The following ADIG variants were observed in gnomAD, a reference collection of about 807,000 sequenced individuals.
ADIG encodes adipogenesis associated.
In ADIG, 12 loss-of-function variants were observed where a neutral mutation model predicts 10.7. That is an observed-to-expected ratio of 1.12 (90% CI 0.72 to 1.82). The LOEUF (loss-of-function observed/expected upper bound fraction) is 1.82, where lower values mean the gene tolerates loss of function less well. ADIG is among the 40% of genes most tolerant of loss of function. ADIG has a pLI of 0.00. For missense variants in ADIG, 72 were observed against 92.5 expected (o/e 0.78, Z 0.91); for synonymous variants, 32 against 35.6 (o/e 0.90, Z 0.36).
chr20:38,582,307 G>T (rs892413911), intron 1 of ADIG, among the ~76,000 whole-genome samples: 4 of 152,164 alleles, frequency 2.6e-5, no homozygotes, highest in African/African-American at 9.7e-5. Flanking sequence ...TGAGGTGGGA[G>T]AATTGCTTGA....
intron 1 of ADIG, among the ~76,000 whole-genome samples, chr20:38,584,846 C>T (rs1349430656): frequency 2.0e-5 from 3 of 151,904 alleles, no homozygotes; most frequent in African/African-American, 7.3e-5. Context: ...GGCGCGATCT[C>T]GGCTCACTGC....
rs746283465 is a variant in ADIG, at chr20:38,586,078, C to A, written c.174C>A (p.Ser58Arg). ...SSVCLDWEPW[S>R]KGPAEFCWKG... ...TGTGCTTGGATTGGGAGCCCTGGAG[C>A]AAAGGCCCAGCTGAGTTTTGCTGGA... The change falls in exon 2 of 3, where the codon AGC becomes AGA. Residue 58 changes from serine (S) to arginine (R), a missense_variant. By Grantham distance (110) the Ser-to-Arg change is moderately radical. Coordinates refer to ENST00000537425, the MANE Select transcript of ADIG (RefSeq NM_001393816.1). 3.3e-5 allele frequency: 53 copies of A among 1,611,004 alleles called. No homozygotes were observed. The highest frequency in any genetic ancestry group is 4.3e-5 in the Non-Finnish European group (51 of 1,178,782).
intron 1 of ADIG, among the ~76,000 whole-genome samples, chr20:38,585,118 G>C (rs2145579429): frequency 6.6e-6 from 1 of 152,336 alleles, no homozygotes; most frequent in Admixed American, 6.5e-5. Context: ...ACTGTTGAAG[G>C]CCTGTGCTAA....
rs553447550 is a variant in ADIG at position 38,586,153 on chromosome 20, C to G, written c.*6C>G. 10 of 1,581,456 alleles carry G rather than the reference C, an allele frequency of 6.3e-6. No homozygotes were observed. In the African/African-American group the frequency reaches 1.2e-4, roughly 19 times the overall value. On this transcript the variant is annotated 3_prime_UTR_variant, in exon 2 of 3. Coordinates refer to ENST00000537425, the MANE Select transcript of ADIG (RefSeq NM_001393816.1). The stretch of plus-strand genomic sequence containing the variant: ...AGGAGAGGCCCTGCTGGTGAGCCTG[C>G]TGTGCCAGGTGAGGCCCTTCCAGGG...
rs186341754 is a variant in ADIG, at chr20:38,588,118, C to T, written c.*32C>T. 2 of 1,303,470 alleles carry T rather than the reference C, an allele frequency of 1.5e-6. No homozygotes were observed. Among genetic ancestry groups the T allele is most frequent in the African/African-American group, 3.0e-5 (2 of 65,926 alleles). 80.7% of individuals were successfully genotyped at this position (1,303,470 alleles called of 1,614,324 possible). A position where few individuals can be genotyped will look rare whatever the true frequency, so the allele number is the denominator to read the frequency against. ...GTTTCTAGTTTGGTTTTCCTGGAGT[C>T]AGCAGGGCAGTGGCAATGGCAGAAG... On this transcript the variant is annotated 3_prime_UTR_variant, in exon 3 of 3. Coordinates refer to ENST00000537425, the MANE Select transcript of ADIG (RefSeq NM_001393816.1).
Position 38,586,037 on chromosome 20 carries a change from GA to G in ADIG, c.137del (p.Asn46MetfsTer87). On this transcript the variant is annotated frameshift_variant, in exon 2 of 3. Coordinates refer to ENST00000537425, the MANE Select transcript of ADIG (RefSeq NM_001393816.1). LOFTEE classifies it high-confidence loss of function. ...LRFLLSQDSEENDSSVCLDWE... is the reference protein window; with the variant it reads ...LRFLLSQDSEXNDSSVCLDWE... ...GCCTCGTATCTCCACAGATTCAGAG[GA>G]AAATGACTCCAGTGTGTGCTTGGAT... The G allele has an allele frequency of 1.2e-6, 2 of 1,607,268 alleles. No homozygotes were observed. The highest frequency in any genetic ancestry group is 8.5e-7 in the Non-Finnish European group (1 of 1,177,054).
In ADIG at chr20:38,588,402, G is replaced by A; in HGVS notation, c.*316G>A. 1 of 1,243,664 alleles carries A rather than the reference G, an allele frequency of 8.0e-7. No homozygotes were observed. The highest frequency in any genetic ancestry group is 1.6e-5 in the African/African-American group (1 of 64,032). 77.0% of individuals were successfully genotyped at this position (1,243,664 alleles called of 1,614,324 possible). ...TCTTAAAGCAGGGCTGGGCCGGAGGGTGTGGGTCCATATTAAAGAAGCAAG... is the reference window on the plus strand; with the variant it reads ...TCTTAAAGCAGGGCTGGGCCGGAGGATGTGGGTCCATATTAAAGAAGCAAG... On this transcript the variant is annotated 3_prime_UTR_variant, in exon 3 of 3. Transcript: ENST00000537425.
chr20:38,581,748 G>C (rs1459448137), intron 1 of ADIG, among the ~76,000 whole-genome samples: 1 of 152,348 alleles, frequency 6.6e-6, no homozygotes, highest in African/African-American at 2.4e-5. Flanking sequence ...GGGGTGCAAG[G>C]CTCTGTGAGC....
chr20:38,588,270 G>C lies in ADIG; in HGVS notation c.*184G>C, dbSNP rs1351594165. ...CTCCAGAGGTCCCAGCCCTTCTCCA[G>C]CATCACAGATGACCTCCAGCCCTGC... On this transcript the variant is annotated 3_prime_UTR_variant, in exon 3 of 3. Transcript: ENST00000537425. 4.6e-6 allele frequency: 6 copies of C among 1,304,290 alleles called. No homozygotes were observed. The allele number at this position is 1,304,290 out of a possible 1,614,324, so 80.8% of individuals were successfully genotyped here.
chr20:38,583,110 A>G (rs1027011485), intron 1 of ADIG, among the ~76,000 whole-genome samples: 4 of 152,158 alleles, frequency 2.6e-5, no homozygotes, highest in African/African-American at 9.7e-5. Context: ...GAGCCACCGC[A>G]CCCAGCCTCA....
At chr20:38,586,620 C>T (rs2088639663) in intron 2 of ADIG, among the ~76,000 whole-genome samples, 1 of 152,160 alleles carries the variant, frequency 6.6e-6, no homozygotes, top group South Asian at 2.1e-4. Flanking sequence ...GTAGTACTTA[C>T]CGCCTTCTAA....
chr20:38,582,275 T>C (rs939187952), intron 1 of ADIG, among the ~76,000 whole-genome samples: 12 of 152,158 alleles, frequency 7.9e-5, no homozygotes, highest in African/African-American at 2.7e-4. Context: ...CATGCATCTG[T>C]GGTCCCAGCT....
At chr20:38,581,584 GT>G (rs552286388) in intron 1 of ADIG, among the ~76,000 whole-genome samples, 283 of 147,074 alleles carry the variant, frequency 1.9e-3, no homozygotes, top group Admixed American at 2.3e-3. Flanking sequence ...GAGTCCTAGA[GT>G]TTGAACCTAG....
rs769081795 is a variant in ADIG at position 38,586,092 on chromosome 20, A to T, written c.188A>T (p.Glu63Val). 1 of 1,609,630 alleles carries T rather than the reference A, an allele frequency of 6.2e-7. No individual in the cohort carries two copies. The highest frequency in any genetic ancestry group is 8.5e-7 in the Non-Finnish European group (1 of 1,178,238). Residue 63 changes from glutamate to valine, a missense_variant, in exon 2 of 3, where the codon GAG becomes GTG. Glu to Val is a moderately radical substitution (Grantham distance 121, BLOSUM62 -2). Transcript: ENST00000537425. The stretch of plus-strand genomic sequence containing the variant: ...GAGCCCTGGAGCAAAGGCCCAGCTG[A>T]GTTTTGCTGGAAGGGGACACTCCAC... Reference protein sequence around the residue: ...DWEPWSKGPAEFCWKGTLHGQ... With the variant: ...DWEPWSKGPAVFCWKGTLHGQ...
chr20:38,585,895 C>T, intron 1 of ADIG, 134 bp from the exon 2 acceptor site: 1 of 849,098 alleles, frequency 1.2e-6, no homozygotes, highest in Non-Finnish European at 1.8e-6. Context: ...AAGGCTGGCT[C>T]ATAGGATTCT....
At chr20:38,581,476 C>A (rs1051212896) in intron 1 of ADIG, 102 bp downstream of exon 1, 16 of 1,521,054 alleles carry the variant, frequency 1.1e-5, no homozygotes, top group Non-Finnish European at 1.3e-5. Flanking sequence ...GGGCTTCCTT[C>A]AGTCATTTTA....
At chr20:38,584,070 C>T (rs946603346) in intron 1 of ADIG, among the ~76,000 whole-genome samples, 2 of 151,930 alleles carry the variant, frequency 1.3e-5, no homozygotes, top group African/African-American at 2.4e-5. Flanking sequence ...GTAGCTCTGC[C>T]GCCTCCTCCC....
chr20:38,581,723 G>T (rs550716342), intron 1 of ADIG, among the ~76,000 whole-genome samples: 3 of 152,310 alleles, frequency 2.0e-5, no homozygotes, highest in South Asian at 4.1e-4. Context: ...GAACTTCCAG[G>T]TGCCCCTTTC....
Position 38,582,567 on chromosome 20 carries a change from T to C in ADIG, c.124+1193T>C, listed in dbSNP as rs538126909. 5.9e-5 allele frequency among the ~76,000 whole-genome samples: 9 copies of C among 152,262 alleles called. No homozygotes were observed. The South Asian group carries it at 1.9e-3, about 32-fold the overall frequency. On this transcript the variant is annotated intron_variant, in intron 1 of 2. Transcript: ENST00000537425. ...CCCCTGCTAGCCCCATGATCTCAAA[T>C]GTAGGGGCTTATAATTATGTAATTA...
Sources: gnomAD v4.1 joint callset for allele counts (sites outside exome capture counted in the v4.1 genomes callset) on GRCh38, gnomAD v4.1.1 for gene constraint, MANE v1.5 for transcripts, NCBI Gene and HGNC (gene_info 2026-07-23, HGNC 2026-07-21) for gene names.